Variants in ECHDC2 observed in about 807,000 individuals in gnomAD.
ECHDC2 encodes the protein enoyl-CoA hydratase domain-containing protein 2, mitochondrial.
Under a neutral mutation model 40.6 loss-of-function variants are expected in ECHDC2, and 34 were observed. That is an observed-to-expected ratio of 0.84 (90% CI 0.64 to 1.11). The LOEUF is 1.11. Ranked by LOEUF, ECHDC2 falls within the 50% of genes most tolerant of loss-of-function variation. The probability of loss-of-function intolerance (pLI) is 0.00; values close to 1 mark genes in which losing one functional copy is unlikely to be tolerated. For synonymous variants in ECHDC2, 162 were observed against 166.6 expected (o/e 0.97, Z 0.21); for missense variants, 392 against 400.7 (o/e 0.98, Z 0.19).
chr1:52,899,706 C>T (rs1646867753), intron 7 of ECHDC2: 1 of 165,546 alleles, frequency 6.0e-6, no homozygotes, highest in Non-Finnish European at 1.3e-5. Context: ...CAAATGCCAG[C>T]CTCTGCGGTA....
chr1:52,907,736 G>A, intron 4 of ECHDC2, 132 bp downstream of exon 4: 1 of 744,966 alleles, frequency 1.3e-6, no homozygotes, highest in Non-Finnish European at 2.2e-6. Context: ...CCATCCCCCT[G>A]GGTGAGTCAT....
At chr1:52,903,447 G>T (rs994490311) in intron 7 of ECHDC2, among the ~76,000 whole-genome samples, 13 of 151,174 alleles carry the variant, frequency 8.6e-5, no homozygotes, top group African/African-American at 2.9e-4. Context: ...TTGGCTTTTT[G>T]TTTTTGTTTG....
chr1:52,911,502 C>T (rs1649476167), intron 3 of ECHDC2, 64 bp downstream of exon 3: 3 of 1,528,710 alleles, frequency 2.0e-6, no homozygotes, highest in Non-Finnish European at 2.7e-6. Flanking sequence ...TAAGGTTTCC[C>T]CCAACCCCTG....
At chr1:52,915,322 CA>C (rs1650444608) in intron 1 of ECHDC2, 2 of 455,904 alleles carry the variant, frequency 4.4e-6, no homozygotes, top group Non-Finnish European at 8.8e-6. Context: ...ATGAAGTTGG[CA>C]TTCTCAGTTT....
chr1:52,899,357 C>T, intron 7 of ECHDC2, 133 bp from the exon 8 acceptor site: 1 of 784,100 alleles, frequency 1.3e-6, no homozygotes, highest in East Asian at 2.6e-5. Context: ...CTGACAGTTT[C>T]TTTAGCGTTA....
At chr1:52,909,464 G>A (rs1240919020) in intron 3 of ECHDC2, among the ~76,000 whole-genome samples, 1 of 150,730 alleles carries the variant, frequency 6.6e-6, no homozygotes, top group African/African-American at 2.4e-5. Flanking sequence ...GGGCCACACT[G>A]GAAGAATCGT....
intron 3 of ECHDC2, among the ~76,000 whole-genome samples, chr1:52,911,276 T>C (rs1649425302): frequency 6.6e-6 from 1 of 152,118 alleles, no homozygotes; most frequent in Non-Finnish European, 1.5e-5. Context: ...TGTACCCGTC[T>C]TGGACTCCAT....
In ECHDC2 at chr1:52,904,631, G is replaced by A. The variant is rs747244864; in HGVS notation, c.702+15C>T. ...TGACTCCAGCCCTCCTTCTGGTGCC[G>A]AGCTGTCACCACACCTGGGGCAGGA... is the stretch of plus-strand genomic sequence containing the variant. On this transcript the variant is annotated intron_variant, in intron 7 of 9. Coordinates refer to ENST00000371522, the MANE Select transcript of ECHDC2 (RefSeq NM_001198961.2). The A allele has an allele frequency of 5.1e-6, 8 of 1,563,626 alleles. No individual in the cohort carries two copies. In the African/African-American group the frequency reaches 5.4e-5, roughly 11 times the overall value.
chr1:52,913,771 A>C (rs1650080535), intron 1 of ECHDC2: 4 of 248,516 alleles, frequency 1.6e-5, no homozygotes, highest in Non-Finnish European at 2.7e-5. Flanking sequence ...CACTGTCGCC[A>C]CCCGGGGGCC....
chr1:52,907,842 C>A, intron 4 of ECHDC2, 26 bp downstream of exon 4: 1 of 1,590,142 alleles, frequency 6.3e-7, no homozygotes, highest in Non-Finnish European at 8.6e-7. Flanking sequence ...CAAACCCCCT[C>A]CTCCACCCCA....
chr1:52,916,696 T>C (rs1015657516), intron 1 of ECHDC2, among the ~76,000 whole-genome samples: 1 of 152,208 alleles, frequency 6.6e-6, no homozygotes, highest in Non-Finnish European at 1.5e-5. Flanking sequence ...TAATTTGCAC[T>C]ACCACATGCC....
rs1650135055 is a variant in ECHDC2 at position 52,914,020 on chromosome 1, T to C, written c.122-2230A>G. The C allele has an allele frequency of 8.2e-7, 1 of 1,213,536 alleles. No homozygotes were observed. Among genetic ancestry groups the C allele is most frequent in the Non-Finnish European group, 1.1e-6 (1 of 941,072 alleles). The allele number at this position is 1,213,536 out of a possible 1,614,324, so 75.2% of individuals were successfully genotyped here. On this transcript the variant is annotated intron_variant, in intron 1 of 9. Transcript: ENST00000371522. This position sits in a 1 kb window ranked among gnomAD's most constrained non-coding sequence, Gnocchi z 4.0. ...CATTTGTACATTTATATATTTGCTGTGTGCTGGCCTCTACTAGACACCGTG... is the reference window on the plus strand; with the variant it reads ...CATTTGTACATTTATATATTTGCTGCGTGCTGGCCTCTACTAGACACCGTG...
In ECHDC2 at chr1:52,910,372, T is replaced by G. The variant is rs1393351336; in HGVS notation, c.277+1194A>C. 4.2e-5 allele frequency among the ~76,000 whole-genome samples: 5 copies of G among 117,838 alleles called. 1 individual carries two copies. The highest frequency in any genetic ancestry group is 6.8e-5 in the African/African-American group (2 of 29,388). The allele number at this position is 117,838 out of a possible 152,430, so 77.3% of individuals were successfully genotyped here. A position where few individuals can be genotyped will look rare whatever the true frequency, so the allele number is the denominator to read the frequency against. On this transcript the variant is annotated intron_variant, in intron 3 of 9. Transcript: ENST00000371522. ...ATTTCGTTTTTTTTTTTTTTTTTTTTTTTTTTTTTTTTTTGAGATGGAGTT... is the reference window on the plus strand; with the variant it reads ...ATTTCGTTTTTTTTTTTTTTTTTTTGTTTTTTTTTTTTTTGAGATGGAGTT...
chr1:52,904,737 A>C lies in ECHDC2; in HGVS notation c.611T>G (p.Leu204Arg). The C allele has an allele frequency of 1.2e-6, 2 of 1,612,852 alleles. No individual in the cohort carries two copies. Among genetic ancestry groups the C allele is most frequent in the Non-Finnish European group, 1.7e-6 (2 of 1,179,922 alleles). ...GGCCACAGCGTGATTCACCAGCCCCAGTACGTGGGCCTCAGTTCCACTCAG... is the reference window on the plus strand; with the variant it reads ...GGCCACAGCGTGATTCACCAGCCCCCGTACGTGGGCCTCAGTTCCACTCAG... Reference protein sequence around the residue: ...RRLSGTEAHVLGLVNHAVAQN... With the variant: ...RRLSGTEAHVRGLVNHAVAQN... The change falls in exon 7 of 10, where the codon CTG (leucine) becomes CGG (arginine). Residue 204 changes from leucine to arginine, a missense_variant. Physicochemically the swap from Leu to Arg is moderately radical, Grantham distance 102. Transcript: ENST00000371522.
At chr1:52,897,009 T>C in intron 9 of ECHDC2, 1 of 284,658 alleles carries the variant, frequency 3.5e-6, no homozygotes, top group East Asian at 6.8e-5. Context: ...ACGTGGAGAT[T>C]AGCATTTTTT....
chr1:52,896,428 G>T lies in ECHDC2; in HGVS notation c.*92C>A. 2 of 987,952 alleles carry T rather than the reference G, an allele frequency of 2.0e-6. No individual in the cohort carries two copies. The highest frequency in any genetic ancestry group is 3.3e-6 in the Non-Finnish European group (2 of 610,442). 61.2% of individuals were successfully genotyped at this position (987,952 alleles called of 1,614,324 possible). A position where few individuals can be genotyped will look rare whatever the true frequency, so the allele number is the denominator to read the frequency against. ...TGTGAAGAAATGGAAGTCTGGAGAG[G>T]TGAAATGATGAAGGCAATCTGGCCA... On this transcript the variant is annotated 3_prime_UTR_variant, in exon 10 of 10. Coordinates refer to ENST00000371522, the MANE Select transcript of ECHDC2 (RefSeq NM_001198961.2).
chr1:52,908,956 G>GAAAAAAAAAAA (rs1190885771), intron 3 of ECHDC2, among the ~76,000 whole-genome samples: 5 of 141,822 alleles, frequency 3.5e-5, no homozygotes. Flanking sequence ...AAAAAAAAAG[G>GAAAAAAAAAAA]AAAAAGGACT....
chr1:52,896,924 T>C (rs1000787357), intron 9 of ECHDC2: 1 of 323,688 alleles, frequency 3.1e-6, no homozygotes, highest in African/African-American at 2.1e-5. Flanking sequence ...CAGTAAGAAA[T>C]CTGGCTTTGA....
rs565360915 is a variant in ECHDC2 at position 52,896,412 on chromosome 1, A to G, written c.*108T>C. 3.4e-6 allele frequency: 3 copies of G among 888,146 alleles called. No individual in the cohort carries two copies. In the African/African-American group the frequency reaches 4.9e-5, roughly 15 times the overall value. 55.0% of individuals were successfully genotyped at this position (888,146 alleles called of 1,614,324 possible). ...TTTCCATCATCATCCTTGTGAAGAA[A>G]TGGAAGTCTGGAGAGGTGAAATGAT... On this transcript the variant is annotated 3_prime_UTR_variant, in exon 10 of 10. Transcript: ENST00000371522.
Sources: gnomAD v4.1 joint callset for allele counts (sites outside exome capture counted in the v4.1 genomes callset) on GRCh38, gnomAD v4.1.1 for gene constraint, Gnocchi (gnomAD v3.1) non-coding constraint, MANE v1.5 for transcripts, NCBI Gene and HGNC (gene_info 2026-07-23, HGNC 2026-07-21) for gene names.